RP1L1: variants seen among roughly 807,000 people sequenced by gnomAD.
RP1L1 encodes the protein RP1 like 1, also known as retinitis pigmentosa 1-like 1 protein.
A neutral mutation model predicts 15.7 loss-of-function variants in RP1L1; 27 were observed. That is an observed-to-expected ratio of 1.72 (90% CI 1.27 to 2.38). RP1L1 has a LOEUF of 2.38. Ranked by LOEUF, RP1L1 falls within the 30% of genes most tolerant of loss-of-function variation. The pLI is 0.00. For missense variants in RP1L1, 4,798 were observed against 3,075.9 expected (o/e 1.56, Z -13.24); for synonymous variants, 1,813 against 1,276.7 (o/e 1.42, Z -8.96).
intron 1 of RP1L1, among the ~76,000 whole-genome samples, chr8:10,644,294 A>G (rs972358931): frequency 6.6e-6 from 1 of 152,006 alleles, no homozygotes; most frequent in African/African-American, 2.4e-5. Context: ...TCAAAAAAAA[A>G]AAAAAATGGG....
chr8:10,621,493 T>C (rs187806785), intron 2 of RP1L1: 74 of 317,976 alleles, frequency 2.3e-4, no homozygotes, highest in African/African-American at 1.5e-3. Flanking sequence ...ACCTGGCTAA[T>C]TTTTGTATTT....
At chr8:10,613,933 G>A (rs182231133) in intron 3 of RP1L1, among the ~76,000 whole-genome samples, 4 of 152,332 alleles carry the variant, frequency 2.6e-5, no homozygotes, top group South Asian at 2.1e-4. Context: ...TACTAGCTGC[G>A]TAGTTTTTGG....
At chr8:10,622,572 C>A (rs192310682) in intron 2 of RP1L1, 21 bp downstream of exon 2, 3 of 1,613,934 alleles carry the variant, frequency 1.9e-6, no homozygotes, top group Middle Eastern at 3.3e-4. Context: ...TTCAAGGAAC[C>A]GTCAGACCCC....
Position 10,612,259 on chromosome 8 carries a change from C to A in RP1L1, c.1839G>T (p.Leu613=). Reference sequence around the variant, plus strand: ...CCGAGTCCCAGGAGCAGGAAAGGCCCAGAACCAGAGGCTCCCTTGTCACAG... The same window carrying A: ...CCGAGTCCCAGGAGCAGGAAAGGCCAAGAACCAGAGGCTCCCTTGTCACAG... The part of the protein sequence containing the change: ...GAAVTREPLV[L]GLSCSWDSEG... Residue 613 remains leucine (L), a synonymous_variant, in exon 4 of 4, where the codon CTG becomes CTT. Coordinates refer to ENST00000382483, the MANE Select transcript of RP1L1 (RefSeq NM_178857.6). 6.2e-7 allele frequency: 1 copy of A among 1,613,264 alleles called. No homozygotes were observed. The highest frequency in any genetic ancestry group is 8.5e-7 in the Non-Finnish European group (1 of 1,180,014).
intron 1 of RP1L1, among the ~76,000 whole-genome samples, chr8:10,651,764 A>T (rs1798566430): frequency 6.6e-6 from 1 of 151,694 alleles, no homozygotes; most frequent in Admixed American, 6.6e-5. Flanking sequence ...TTAAAAAAAA[A>T]AAAAAAAAAA....
At chr8:10,631,315 G>A (rs1200854722) in intron 1 of RP1L1, among the ~76,000 whole-genome samples, 10 of 69,216 alleles carry the variant, frequency 1.4e-4, no homozygotes, top group East Asian at 8.2e-3. Context: ...GCACACACAC[G>A]CACACACGCA....
chr8:10,628,585 T>G (rs990342916), intron 1 of RP1L1, among the ~76,000 whole-genome samples: 1 of 152,190 alleles, frequency 6.6e-6, no homozygotes, highest in African/African-American at 2.4e-5. Flanking sequence ...AGAGTGACAG[T>G]GGAGCTCTGG....
intron 1 of RP1L1, among the ~76,000 whole-genome samples, chr8:10,650,309 G>C (rs569235329): frequency 6.6e-6 from 1 of 152,242 alleles, no homozygotes; most frequent in East Asian, 1.9e-4. Flanking sequence ...CTTTTAGCTG[G>C]GAATTTTGTT....
At position 10,623,011 on chromosome 8, in the gene RP1L1, A is replaced by AG. The variant is rs761956435; in HGVS notation, c.190dup (p.Leu64ProfsTer26). 1.2e-6 allele frequency: 2 copies of AG among 1,614,058 alleles called. No homozygotes were observed. Among genetic ancestry groups the AG allele is most frequent in the East Asian group, 2.2e-5 (1 of 44,880 alleles). On this transcript the variant is annotated frameshift_variant, in exon 2 of 4. Coordinates refer to ENST00000382483, the MANE Select transcript of RP1L1 (RefSeq NM_178857.6). LOFTEE classifies it high-confidence loss of function. Reference sequence around the variant, plus strand: ...CACGCGCTGGGAGAGCTCGTCCATGAGGGCGCTGAAGGTCTTAAAGGCGCG... The same window carrying AG: ...CACGCGCTGGGAGAGCTCGTCCATGAGGGGCGCTGAAGGTCTTAAAGGCGCG...
At chr8:10,635,118 G>C (rs911774825) in intron 1 of RP1L1, among the ~76,000 whole-genome samples, 1 of 152,160 alleles carries the variant, frequency 6.6e-6, no homozygotes, top group African/African-American at 2.4e-5. Flanking sequence ...GTAGAGGCTG[G>C]GGACTCGGGT....
Position 10,622,776 on chromosome 8 carries a change from G to C in RP1L1, c.426C>G (p.Ser142=). Reference sequence around the variant, plus strand: ...GGGTTTTAAGACTCTTCCGGGAGGAGGAGGTGCCTGGGGCTTCACGCTGGC... The same window carrying C: ...GGGTTTTAAGACTCTTCCGGGAGGACGAGGTGCCTGGGGCTTCACGCTGGC... ...VEGQREAPGT[S]SSRKSLKTPR... is the part of the protein sequence containing the mutation. The change falls in exon 2 of 4, where the codon TCC becomes TCG. Residue 142 remains serine (S), a synonymous_variant. Coordinates refer to ENST00000382483, the MANE Select transcript of RP1L1 (RefSeq NM_178857.6). The C allele has an allele frequency of 1.9e-6, 3 of 1,613,990 alleles. No individual in the cohort carries two copies. Among genetic ancestry groups the C allele is most frequent in the Non-Finnish European group, 2.5e-6 (3 of 1,179,952 alleles).
chr8:10,613,048 C>T lies in RP1L1; in HGVS notation c.1050G>A (p.Thr350=), dbSNP rs371226747. Residue 350 remains threonine, a synonymous_variant, in exon 4 of 4, where the codon ACG becomes ACA. Transcript: ENST00000382483. Reference sequence around the variant, plus strand: ...GAACGGGGTCTTCCCCACTGGCTGCCGTGAGGGCGCTGGCCCTGCCCATCC... The same window carrying T: ...GAACGGGGTCTTCCCCACTGGCTGCTGTGAGGGCGCTGGCCCTGCCCATCC... ...SRRMGRASAL[T]AASGEDPVLG... is the part of the protein sequence containing the mutation. 29 of 1,613,450 alleles carry T rather than the reference C, an allele frequency of 1.8e-5. No individual in the cohort carries two copies. The highest frequency in any genetic ancestry group is 4.0e-5 in the African/African-American group (3 of 74,938).
At position 10,609,621 on chromosome 8, in the gene RP1L1, C is replaced by T. The variant is rs1797789457; in HGVS notation, c.4477G>A (p.Ala1493Thr). The change falls in exon 4 of 4, where the codon GCC becomes ACC. Residue 1493 changes from alanine to threonine, a missense_variant. By Grantham distance (58) the Ala-to-Thr change is moderately conservative (BLOSUM62 0). Transcript: ENST00000382483. ...ATMMGQEHTQ[A>T]QPTQGAAERS... ...TCTGCAGCCCCCTGGGTGGGTTGGG[C>T]CTGCGTGTGCTCTTGGCCCATCATG... is the stretch of plus-strand genomic sequence containing the variant. 3 of 1,607,260 alleles carry T rather than the reference C, an allele frequency of 1.9e-6. No individual in the cohort carries two copies. In the African/African-American group the frequency reaches 4.0e-5, roughly 21 times the overall value.
intron 1 of RP1L1, among the ~76,000 whole-genome samples, chr8:10,644,532 T>G (rs919512632): frequency 1.3e-5 from 2 of 152,216 alleles, no homozygotes; most frequent in African/African-American, 4.8e-5. Flanking sequence ...CATCACAAGG[T>G]GACGCTGGAC....
intron 1 of RP1L1, among the ~76,000 whole-genome samples, chr8:10,632,834 T>G (rs1371724694): frequency 6.6e-6 from 1 of 152,208 alleles, no homozygotes; most frequent in African/African-American, 2.4e-5. Context: ...TTGAAGACCC[T>G]TGATGGCTCT....
intron 2 of RP1L1, among the ~76,000 whole-genome samples, chr8:10,619,810 A>G (rs918292242): frequency 6.6e-6 from 1 of 152,000 alleles, no homozygotes; most frequent in Non-Finnish European, 1.5e-5. Flanking sequence ...ACAAAAAAAC[A>G]TTAGCTGGGC....
At position 10,608,305 on chromosome 8, in the gene RP1L1, G is replaced by C; in HGVS notation, c.5793C>G (p.Asp1931Glu). ...CCTCTGCACCTTCTGACTCTGGCTC[G>C]TCCTCCCCTTCAGTCTCCAGGGCCT... is the stretch of plus-strand genomic sequence containing the variant. ...SVEALETEGEDEPESEGAEAQ... is the reference protein window; with the variant it reads ...SVEALETEGEEEPESEGAEAQ... Residue 1931 changes from aspartate (D) to glutamate (E), a missense_variant, in exon 4 of 4, where the codon GAC (aspartate) becomes GAG (glutamate). Coordinates refer to ENST00000382483, the MANE Select transcript of RP1L1 (RefSeq NM_178857.6). 1 of 1,610,846 alleles carries C rather than the reference G, an allele frequency of 6.2e-7. No homozygotes were observed.
At chr8:10,617,877 G>A (rs770325635) in intron 2 of RP1L1, among the ~76,000 whole-genome samples, 26 of 152,038 alleles carry the variant, frequency 1.7e-4, no homozygotes, top group Non-Finnish European at 3.1e-4. Context: ...TTTAAATGAC[G>A]AGGTCCATTT....
chr8:10,616,418 G>C, intron 3 of RP1L1, 28 bp downstream of exon 3: 1 of 1,614,158 alleles, frequency 6.2e-7, no homozygotes, highest in Non-Finnish European at 8.5e-7. Context: ...GTGCAAATCA[G>C]ATGGGGGAAA....
Sources: gnomAD v4.1 joint callset for allele counts (sites outside exome capture counted in the v4.1 genomes callset) on GRCh38, gnomAD v4.1.1 for gene constraint, MANE v1.5 for transcripts, NCBI Gene and HGNC (gene_info 2026-07-23, HGNC 2026-07-21) for gene names.